Variants in KSR1 observed in about 807,000 individuals in gnomAD.
KSR1 encodes kinase suppressor of ras 1.
A neutral mutation model predicts 92.9 loss-of-function variants in KSR1; 35 were observed. The observed-to-expected ratio is 0.38, with a 90% CI of 0.29 to 0.50. The LOEUF (loss-of-function observed/expected upper bound fraction) is 0.50. Ranked by LOEUF, KSR1 falls within the 20% of genes least tolerant of loss-of-function variation. The pLI is 0.94. For synonymous variants in KSR1, 467 were observed against 472.6 expected (o/e 0.99, Z 0.15); for missense variants, 972 against 1,158.5 (o/e 0.84, Z 2.34).
rs567416991 is a variant in KSR1 at position 27,510,445 on chromosome 17, A to G, written c.232-40123A>G. On this transcript the variant is annotated intron_variant, in intron 1 of 20. Coordinates refer to ENST00000644974, the MANE Select transcript of KSR1 (RefSeq NM_001394583.1). ...AAAAAGGCTTGGTTGCCAATAAAGC[A>G]TGAGGTACCAGCATGAGTGGTCATT... Among the ~76,000 whole-genome samples the G allele has an allele frequency of 1.8e-4, 27 of 152,354 alleles. No individual in the cohort carries two copies. In the South Asian group the frequency reaches 5.6e-3, roughly 32 times the overall value.
chr17:27,573,893 A>G (rs1298970343), intron 2 of KSR1, among the ~76,000 whole-genome samples: 2 of 152,262 alleles, frequency 1.3e-5, no homozygotes, highest in Non-Finnish European at 2.9e-5. Context: ...GTTTGTAATA[A>G]TAAATGTAGT....
chr17:27,479,360 A>G (rs867332983), intron 1 of KSR1, among the ~76,000 whole-genome samples: 1 of 152,124 alleles, frequency 6.6e-6, no homozygotes, highest in Non-Finnish European at 1.5e-5. Flanking sequence ...CCCACTGCCA[A>G]TCTTATGTGA....
chr17:27,612,426 T>C (rs1033173566), intron 18 of KSR1, among the ~76,000 whole-genome samples: 1 of 152,234 alleles, frequency 6.6e-6, no homozygotes, highest in Non-Finnish European at 1.5e-5. Context: ...TTGTATAAGG[T>C]TGCCATGGCC....
intron 1 of KSR1, among the ~76,000 whole-genome samples, chr17:27,491,307 GTGTGTGTGTGT>G (rs1459322793): frequency 0.024 from 5 of 210 alleles, no homozygotes. Context: ...TGTTAGTGGT[GTGTGTGTGTGT>G]GTGTGTGTGT....
chr17:27,472,444 T>A (rs2020065420), intron 1 of KSR1, among the ~76,000 whole-genome samples: 1 of 152,202 alleles, frequency 6.6e-6, no homozygotes, highest in African/African-American at 2.4e-5. Context: ...TGTCATTGAA[T>A]TAGGGGCCTC....
intron 1 of KSR1, among the ~76,000 whole-genome samples, chr17:27,471,296 G>A (rs1295564734): frequency 6.6e-6 from 1 of 152,216 alleles, no homozygotes; most frequent in Non-Finnish European, 1.5e-5. Flanking sequence ...TAATACACAT[G>A]CCAAACAGAC....
At chr17:27,616,729 G>A (rs984001323) in intron 18 of KSR1, among the ~76,000 whole-genome samples, 10 of 152,190 alleles carry the variant, frequency 6.6e-5, no homozygotes, top group African/African-American at 7.2e-5. Context: ...CTGCAGGGCC[G>A]TGCTGGTACA....
At chr17:27,526,072 CTTTCTTTCTT>C (rs2070276468) in intron 1 of KSR1, among the ~76,000 whole-genome samples, 2 of 61,080 alleles carry the variant, frequency 3.3e-5, no homozygotes, top group Non-Finnish European at 5.8e-5. Context: ...CTTTCTTTCT[CTTTCTTTCTT>C]TCTTTCTTTC....
intron 2 of KSR1, among the ~76,000 whole-genome samples, chr17:27,571,711 AG>A (rs2072314636): frequency 6.6e-6 from 1 of 152,256 alleles, no homozygotes. Flanking sequence ...AAAACTGAAC[AG>A]AAACACAGAG....
At chr17:27,575,020 GT>G (rs1392659143) in intron 2 of KSR1, among the ~76,000 whole-genome samples, 1 of 152,204 alleles carries the variant, frequency 6.6e-6, no homozygotes, top group East Asian at 1.9e-4. Context: ...TGTCCCATTG[GT>G]TTTTTATATT....
intron 1 of KSR1, among the ~76,000 whole-genome samples, chr17:27,526,046 C>CTTTTCTTTTCTTT (rs1555576231): frequency 4.5e-4 from 27 of 60,570 alleles, no homozygotes; most frequent in African/African-American, 1.2e-3. Flanking sequence ...TCTTTTCTTT[C>CTTTTCTTTTCTTT]TCTCTCTCTC....
intron 1 of KSR1, among the ~76,000 whole-genome samples, chr17:27,487,110 G>C (rs1232842898): frequency 6.6e-6 from 1 of 152,188 alleles, no homozygotes; most frequent in African/African-American, 2.4e-5. Flanking sequence ...TTGCTATACA[G>C]GACTACCTAA....
intron 1 of KSR1, among the ~76,000 whole-genome samples, chr17:27,491,634 T>G (rs2068836004): frequency 6.6e-6 from 1 of 152,206 alleles, no homozygotes; most frequent in Admixed American, 6.5e-5. Context: ...GGTGGTACTT[T>G]GTGTAATTTA....
At chr17:27,523,127 G>T (rs2151024244) in intron 1 of KSR1, among the ~76,000 whole-genome samples, 1 of 152,234 alleles carries the variant, frequency 6.6e-6, no homozygotes, top group East Asian at 1.9e-4. Context: ...TACTTCTATT[G>T]TCTGTACTGG....
intron 1 of KSR1, among the ~76,000 whole-genome samples, chr17:27,494,288 C>G (rs1237411493): frequency 6.6e-6 from 1 of 151,918 alleles, no homozygotes; most frequent in African/African-American, 2.4e-5. Flanking sequence ...GGAATTATTC[C>G]TGGAGAGGCG....
intron 1 of KSR1, among the ~76,000 whole-genome samples, chr17:27,473,839 G>C (rs888140416): frequency 1.3e-5 from 2 of 152,014 alleles, no homozygotes; most frequent in African/African-American, 4.8e-5. Context: ...AGCTTTTTTT[G>C]TGTGGTTGGC....
chr17:27,569,499 A>G (rs1468433774), intron 2 of KSR1, among the ~76,000 whole-genome samples: 3 of 152,250 alleles, frequency 2.0e-5, no homozygotes, highest in Non-Finnish European at 4.4e-5. Context: ...CAGCATTGCT[A>G]TGTGTTTGGG....
chr17:27,554,273 A>G (rs1429907649), intron 2 of KSR1, among the ~76,000 whole-genome samples: 1 of 152,184 alleles, frequency 6.6e-6, no homozygotes, highest in African/African-American at 2.4e-5. Context: ...AATAACTCCC[A>G]TGTGCTTAGC....
intron 1 of KSR1, chr17:27,527,034 G>T: frequency 6.3e-6 from 3 of 475,966 alleles, no homozygotes. Context: ...ATCCGGCAGG[G>T]ACAGCTCGGC....
Sources: gnomAD v4.1 joint callset for allele counts (sites outside exome capture counted in the v4.1 genomes callset) on GRCh38, gnomAD v4.1.1 for gene constraint, MANE v1.5 for transcripts, NCBI Gene and HGNC (gene_info 2026-07-23, HGNC 2026-07-21) for gene names.